Variants in NTM observed in about 807,000 individuals in gnomAD.
NTM encodes neurotrimin.
Under a neutral mutation model 42.1 loss-of-function variants are expected in NTM, and 13 were observed. That is an observed-to-expected ratio of 0.31 (90% CI 0.20 to 0.49). The LOEUF (loss-of-function observed/expected upper bound fraction) is 0.49, where lower values mean the gene tolerates loss of function less well. NTM is among the 20% of genes least tolerant of loss of function. NTM has a pLI of 0.99. For synonymous variants in NTM, 187 were observed against 179.2 expected (o/e 1.04, Z -0.35); for missense variants, 373 against 452.8 (o/e 0.82, Z 1.60).
At chr11:132,177,164 A>G (rs1209134606) in intron 3 of NTM, among the ~76,000 whole-genome samples, 2 of 152,226 alleles carry the variant, frequency 1.3e-5, no homozygotes, top group Non-Finnish European at 1.5e-5. Context: ...AGCATTTTAA[A>G]TGCTGTGACA....
At chr11:131,822,810 T>C (rs1368622189) in intron 1 of NTM, among the ~76,000 whole-genome samples, 1 of 151,024 alleles carries the variant, frequency 6.6e-6, no homozygotes, top group African/African-American at 2.4e-5. Context: ...GAGGTGGGTT[T>C]TCAACGTTCA....
chr11:131,695,087 C>G (rs542309767), intron 1 of NTM, among the ~76,000 whole-genome samples: 1 of 152,136 alleles, frequency 6.6e-6, no homozygotes, highest in African/African-American at 2.4e-5. Context: ...GGGAAACGCA[C>G]GATGCGTTGT....
chr11:131,600,019 C>T (rs1420673336), intron 1 of NTM, among the ~76,000 whole-genome samples: 2 of 152,244 alleles, frequency 1.3e-5, no homozygotes, highest in East Asian at 1.9e-4. Flanking sequence ...AAAGAGTACA[C>T]ATCACCTCTC....
intron 2 of NTM, among the ~76,000 whole-genome samples, chr11:131,992,496 A>G (rs2067206458): frequency 6.6e-6 from 1 of 151,960 alleles, no homozygotes; most frequent in African/African-American, 2.4e-5. Context: ...TATGAACATA[A>G]GACTACAACT....
At chr11:132,121,174 T>A (rs191761064) in intron 2 of NTM, among the ~76,000 whole-genome samples, 3 of 152,264 alleles carry the variant, frequency 2.0e-5, no homozygotes, top group Admixed American at 2.0e-4. Flanking sequence ...ATGCAATTCA[T>A]CTTAATCACT....
At chr11:131,942,839 G>A (rs1442832951) in intron 2 of NTM, among the ~76,000 whole-genome samples, 2 of 151,886 alleles carry the variant, frequency 1.3e-5, no homozygotes, top group Non-Finnish European at 2.9e-5. Context: ...CCAGCTACTC[G>A]GGAGGCTGAG....
Position 132,311,573 on chromosome 11 carries a change from T to C in NTM, c.782+1341T>C, listed in dbSNP as rs938155219. ...TTACTTAGAAATTCTGTTTCACTTA[T>C]GCGTTTCCTCTTCGACCTTCTTATT... On this transcript the variant is annotated intron_variant, in intron 6 of 8. Transcript: ENST00000683400. Among the ~76,000 whole-genome samples, 6 of 152,200 alleles carry C rather than the reference T, an allele frequency of 3.9e-5. No homozygotes were observed. The South Asian group carries it at 6.2e-4, about 16-fold the overall frequency.
Position 132,069,278 on chromosome 11 carries a change from C to T in NTM, c.168-77004C>T, listed in dbSNP as rs1313657075. Among the ~76,000 whole-genome samples, 17 of 147,736 alleles carry T rather than the reference C, an allele frequency of 1.2e-4. 1 individual carries two copies. Among genetic ancestry groups the T allele is most frequent in the South Asian group, 4.4e-4 (2 of 4,516 alleles). Reference sequence around the variant, plus strand: ...ACTGACCATCACAGATTAGTTAACACGTCACTCAGCCAAGTTAACACGTCA... The same window carrying T: ...ACTGACCATCACAGATTAGTTAACATGTCACTCAGCCAAGTTAACACGTCA... On this transcript the variant is annotated intron_variant, in intron 2 of 8. Transcript: ENST00000683400.
At chr11:131,888,170 G>A (rs746075591) in intron 1 of NTM, among the ~76,000 whole-genome samples, 8 of 152,106 alleles carry the variant, frequency 5.3e-5, no homozygotes, top group African/African-American at 9.7e-5. Flanking sequence ...GCATGGTGGC[G>A]TGCGCCTGTG....
chr11:131,941,287 G>A (rs1246412214), intron 2 of NTM, among the ~76,000 whole-genome samples: 1 of 152,122 alleles, frequency 6.6e-6, no homozygotes, highest in African/African-American at 2.4e-5. Context: ...GGAATTAAAA[G>A]CCTGGAGTTG....
intron 4 of NTM, among the ~76,000 whole-genome samples, chr11:132,283,528 A>T (rs933528335): frequency 3.1e-4 from 47 of 152,142 alleles, no homozygotes; most frequent in Non-Finnish European, 5.1e-4. Flanking sequence ...GGAGCTCGGG[A>T]TGATGTGCAA....
chr11:131,400,045 A>G (rs1477155611), intron 1 of NTM, among the ~76,000 whole-genome samples: 1 of 152,060 alleles, frequency 6.6e-6, no homozygotes, highest in Admixed American at 6.5e-5. Context: ...GATTGCCCTA[A>G]CAGCTCATCA....
chr11:132,063,853 A>G (rs2081050301), intron 2 of NTM, among the ~76,000 whole-genome samples: 1 of 152,208 alleles, frequency 6.6e-6, no homozygotes, highest in African/African-American at 2.4e-5. Flanking sequence ...AGCACTTGTG[A>G]TAAGCCAGCT....
intron 3 of NTM, among the ~76,000 whole-genome samples, chr11:132,173,371 C>T (rs781758870): frequency 1.5e-4 from 23 of 152,082 alleles, no homozygotes; most frequent in Non-Finnish European, 2.5e-4. Flanking sequence ...GTGGGGTCTC[C>T]GGAATTCTGT....
intron 1 of NTM, among the ~76,000 whole-genome samples, chr11:131,384,991 A>G (rs1439628288): frequency 6.6e-6 from 1 of 152,202 alleles, no homozygotes; most frequent in East Asian, 1.9e-4. Flanking sequence ...AGGCGGCAGC[A>G]TCTGTGTGCC....
chr11:131,664,506 G>T (rs552854606), intron 1 of NTM, among the ~76,000 whole-genome samples: 39 of 152,224 alleles, frequency 2.6e-4, no homozygotes, highest in Admixed American at 1.4e-3. Context: ...AAATTAGCCT[G>T]CCAATCACTC....
At chr11:131,874,540 A>T (rs528633965) in intron 1 of NTM, among the ~76,000 whole-genome samples, 1 of 152,294 alleles carries the variant, frequency 6.6e-6, no homozygotes, top group African/African-American at 2.4e-5. Flanking sequence ...GTAACATTCA[A>T]ATCTTACAGG....
chr11:131,655,896 A>G (rs1274679689), intron 1 of NTM, among the ~76,000 whole-genome samples: 1 of 152,134 alleles, frequency 6.6e-6, no homozygotes, highest in East Asian at 1.9e-4. Flanking sequence ...CTGGGACCAA[A>G]TCGATTGGCC....
At chr11:131,775,225 G>T (rs2135953711) in intron 1 of NTM, among the ~76,000 whole-genome samples, 1 of 152,340 alleles carries the variant, frequency 6.6e-6, no homozygotes, top group Non-Finnish European at 1.5e-5. Context: ...ACAAATGTTA[G>T]ATTTGGAGCA....
Sources: allele counts gnomAD v4.1 joint callset (sites outside exome capture counted in the v4.1 genomes callset), GRCh38; gene constraint gnomAD v4.1.1; transcripts MANE v1.5; gene names NCBI Gene and HGNC (gene_info 2026-07-23, HGNC 2026-07-21).